Variants in SNF8 observed in about 807,000 individuals in gnomAD.
SNF8 encodes vacuolar-sorting protein SNF8.
A neutral mutation model predicts 36.8 loss-of-function variants in SNF8; 19 were observed. The observed-to-expected ratio is 0.52, with a 90% CI of 0.36 to 0.76. The LOEUF (loss-of-function observed/expected upper bound fraction) is 0.76, where lower values mean the gene tolerates loss of function less well. Ranked by LOEUF, SNF8 falls within the 30% of genes least tolerant of loss-of-function variation. The pLI is 0.00. For missense variants in SNF8, 268 were observed against 322.9 expected, an observed-to-expected ratio of 0.83 and a Z score of 1.30; for synonymous variants, 127 against 127.4, an observed-to-expected ratio of 1.00 and a Z score of 0.02.
At chr17:48,939,301 G>A (rs936275361) in intron 3 of SNF8, among the ~76,000 whole-genome samples, 5 of 150,640 alleles carry the variant, frequency 3.3e-5, no homozygotes, top group African/African-American at 7.3e-5. Context: ...GGCCAGGCAC[G>A]GTGACTCATG....
intron 6 of SNF8, 149 bp downstream of exon 6, chr17:48,933,056 C>G (rs2040882584): frequency 1.3e-6 from 1 of 749,654 alleles, no homozygotes; most frequent in Admixed American, 2.8e-5. Context: ...CAATAAATGT[C>G]TGCTGAACAA....
intron 5 of SNF8, 120 bp from the exon 6 acceptor site, chr17:48,933,466 G>GC: frequency 8.8e-7 from 1 of 1,134,104 alleles, no homozygotes; most frequent in East Asian, 2.4e-5. Context: ...ACTGCCAGGC[G>GC]CAATGGCTCA....
At chr17:48,937,217 G>T (rs2040947857) in intron 3 of SNF8, 93 bp from the exon 4 acceptor site, 1 of 970,354 alleles carries the variant, frequency 1.0e-6, no homozygotes, top group South Asian at 1.3e-5. Flanking sequence ...CATATGGGAA[G>T]TCTTCCCTGC....
At chr17:48,932,918 C>A in intron 6 of SNF8, 1 of 318,734 alleles carries the variant, frequency 3.1e-6, no homozygotes, top group South Asian at 1.3e-4. Context: ...AGTCTGGCTA[C>A]CCAAAGAAAT....
chr17:48,931,929 G>T, intron 6 of SNF8: 1 of 442,670 alleles, frequency 2.3e-6, no homozygotes, highest in South Asian at 3.4e-5. Context: ...CCTAAAACTG[G>T]GGTACCGGCC....
At chr17:48,934,262 CTCT>C (rs895217479) in intron 5 of SNF8, among the ~76,000 whole-genome samples, 5 of 152,064 alleles carry the variant, frequency 3.3e-5, no homozygotes, top group Non-Finnish European at 5.9e-5. Context: ...TGCTCACCCT[CTCT>C]TCATGAAATC....
chr17:48,940,778 A>G, intron 3 of SNF8, 146 bp downstream of exon 3: 2 of 971,192 alleles, frequency 2.1e-6, no homozygotes, highest in Non-Finnish European at 3.0e-6. Context: ...CGACAGAGCA[A>G]AACTCCGTCT....
At chr17:48,936,102 G>A (rs2040930450) in intron 5 of SNF8, 68 bp downstream of exon 5, 1 of 1,128,242 alleles carries the variant, frequency 8.9e-7, no homozygotes, top group South Asian at 1.3e-5. Context: ...GGAATAGGGA[G>A]AAAAGAGTTC....
intron 5 of SNF8, among the ~76,000 whole-genome samples, chr17:48,935,340 C>T (rs1475030364): frequency 3.3e-5 from 5 of 151,882 alleles, no homozygotes; most frequent in African/African-American, 1.2e-4. Flanking sequence ...AGTGAAACCC[C>T]GTCTCTACTA....
In SNF8 at chr17:48,943,952, C is replaced by T. The variant is rs61745934; in HGVS notation, c.78G>A (p.Thr26=). ...GGGCTAGCTGGTCCTCAGCCAAGAC[C>T]GTCCCTCGCTCCTTATACTTGGCCT... is the stretch of plus-strand genomic sequence containing the variant. ...LAEAKYKERG[T]VLAEDQLAQM... The change falls in exon 2 of 8, where the codon ACG becomes ACA. Residue 26 remains threonine, a synonymous_variant. Coordinates refer to ENST00000502492, the MANE Select transcript of SNF8 (RefSeq NM_007241.4). The T allele has an allele frequency of 0.02, 31,600 of 1,613,808 alleles. 382 individuals carry two copies. The highest frequency in any genetic ancestry group is 0.023 in the Non-Finnish European group (27,463 of 1,179,796).
chr17:48,931,637 G>A lies in SNF8; in HGVS notation c.639+6C>T. 4 of 1,611,846 alleles carry A rather than the reference G, an allele frequency of 2.5e-6. No homozygotes were observed. In the South Asian group the frequency reaches 4.4e-5, roughly 18 times the overall value. On this transcript the variant is annotated splice_donor_region_variant and intron_variant, in intron 7 of 7. Transcript: ENST00000502492. ...GTCTTTTCTGGACTGTTCCAAAGTT[G>A]CATACCAGCACTTGCCGCGCTCGCT...
chr17:48,931,793 AAG>A (rs2040863732), intron 6 of SNF8, 76 bp from the exon 7 acceptor site: 1 of 1,142,152 alleles, frequency 8.8e-7, no homozygotes, highest in Non-Finnish European at 1.3e-6. Context: ...GCCCAGGAAC[AAG>A]AGACTTACCC....
chr17:48,940,499 C>CGACA (rs2041003643), intron 3 of SNF8, among the ~76,000 whole-genome samples: 1 of 151,718 alleles, frequency 6.6e-6, no homozygotes, highest in African/African-American at 2.4e-5. Context: ...TCCCTAAAGA[C>CGACA]GACACCCTTG....
At chr17:48,933,504 GC>G in intron 5 of SNF8, 158 bp from the exon 6 acceptor site, 1 of 773,858 alleles carries the variant, frequency 1.3e-6, no homozygotes, top group Non-Finnish European at 2.1e-6. Context: ...CTTTTGGGAT[GC>G]CCACATTGAG....
chr17:48,931,416 A>C (rs1051932030), intron 7 of SNF8, among the ~76,000 whole-genome samples: 4 of 152,178 alleles, frequency 2.6e-5, no homozygotes, highest in African/African-American at 4.8e-5. Flanking sequence ...CCCAAGTAGC[A>C]GGGGCAGCCT....
chr17:48,943,915 AC>A lies in SNF8; in HGVS notation c.105+9del. The A allele has an allele frequency of 6.2e-7, 1 of 1,613,858 alleles. No individual in the cohort carries two copies. Among genetic ancestry groups the A allele is most frequent in the Non-Finnish European group, 8.5e-7 (1 of 1,179,798 alleles). Reference sequence around the variant, plus strand: ...CTCCCTCCCTGCCTGGGGCCCCCCAACCGACTTACCTGGGCTAGCTGGTCCT... The same window carrying A: ...CTCCCTCCCTGCCTGGGGCCCCCCAACGACTTACCTGGGCTAGCTGGTCCT... On this transcript the variant is annotated intron_variant, in intron 2 of 7. Coordinates refer to ENST00000502492, the MANE Select transcript of SNF8 (RefSeq NM_007241.4).
intron 6 of SNF8, 28 bp downstream of exon 6, chr17:48,933,177 A>G (rs781462135): frequency 4.3e-6 from 7 of 1,610,268 alleles, no homozygotes; most frequent in Admixed American, 1.7e-5. Flanking sequence ...TCCCTTGCAC[A>G]CACACACACT....
rs745963952 is a variant in SNF8 at position 48,941,039 on chromosome 17, G to A, written c.129C>T (p.Phe43=). The change falls in exon 3 of 8, where the codon TTC becomes TTT. Residue 43 remains phenylalanine (F), a synonymous_variant. Transcript: ENST00000502492. The part of the protein sequence containing the change: ...LAQMSKQLDM[F]KTNLEEFASK... ...TGGCAAATTCCTCCAGGTTGGTCTT[G>A]AACATGTCCAACTGCTTTGACATCT... is the stretch of plus-strand genomic sequence containing the variant. The A allele has an allele frequency of 3.7e-6, 6 of 1,613,906 alleles. No individual in the cohort carries two copies. Among genetic ancestry groups the A allele is most frequent in the Non-Finnish European group, 4.2e-6 (5 of 1,180,006 alleles).
In SNF8 at chr17:48,930,282, T is replaced by C; in HGVS notation, c.*193A>G. ...TTGCCGTTCTCTGTGTTAATCAGAT[T>C]ATGCTTACTGAACGAGCGAGGTTTT... On this transcript the variant is annotated 3_prime_UTR_variant, in exon 8 of 8. Coordinates refer to ENST00000502492, the MANE Select transcript of SNF8 (RefSeq NM_007241.4). 3.6e-6 allele frequency: 2 copies of C among 548,584 alleles called. No homozygotes were observed. Among genetic ancestry groups the C allele is most frequent in the South Asian group, 2.9e-5 (1 of 34,634 alleles). 34.0% of individuals were successfully genotyped at this position (548,584 alleles called of 1,614,324 possible).
Sources: gnomAD v4.1 joint callset for allele counts (sites outside exome capture counted in the v4.1 genomes callset) on GRCh38, gnomAD v4.1.1 for gene constraint, MANE v1.5 for transcripts, NCBI Gene and HGNC (gene_info 2026-07-23, HGNC 2026-07-21) for gene names.